The following H2BW2 variants were observed in gnomAD, a reference collection of about 807,000 sequenced individuals.
The protein encoded by H2BW2 is H2B.W histone 2.
In H2BW2, 8 loss-of-function variants were observed where a neutral mutation model predicts 9.2. The ratio of observed to expected loss-of-function variants is 0.87; its 90% CI spans 0.51 to 1.57. The LOEUF is 1.57. Among genes scored for constraint, H2BW2 ranks in the 40% most tolerant of loss-of-function variants. The pLI is 0.00. For missense variants in H2BW2, 193 were observed against 137.3 expected (o/e 1.41, Z -2.03); for synonymous variants, 80 against 56.8 (o/e 1.41, Z -1.84).
At position 104,040,282 on chromosome X, in the gene H2BW2, G is replaced by A. The variant is rs782319988; in HGVS notation, c.288G>A (p.Gln96=). 8.4e-7 allele frequency: 1 copy of A among 1,197,230 alleles called. No homozygotes were observed. The highest frequency in any genetic ancestry group is 1.8e-5 in the South Asian group (1 of 54,729). Residue 96 remains glutamine, a synonymous_variant, in exon 1 of 4, where the codon CAG becomes CAA. Transcript: ENST00000675318. The part of the protein sequence containing the change: ...ILDRIATEAG[Q]LAHYTKRVTI... ...ACCGCATCGCCACCGAGGCTGGTCA[G>A]CTGGCCCATTACACCAAGCGCGTGA...
chrX:104,041,636 A>T (rs1176401662), intron 3 of H2BW2: 1 of 111,563 alleles, frequency 9.0e-6, no homozygotes, highest in Non-Finnish European at 1.9e-5. Flanking sequence ...TCGCCCGAGT[A>T]TGTGGACAAG....
Position 104,040,236 on chromosome X carries a change from C to A in H2BW2, c.242C>A (p.Ser81Tyr). Residue 81 changes from serine to tyrosine, a missense_variant, in exon 1 of 4, where the codon TCT becomes TAT. By Grantham distance (144) the Ser-to-Tyr change is moderately radical (BLOSUM62 -2). Coordinates refer to ENST00000675318, the MANE Select transcript of H2BW2 (RefSeq NM_001388464.1). ...CAGGAGGCCGTGAGTGTCATGGATT[C>A]TATGATCCATGACATATTGGACCGC... is the stretch of plus-strand genomic sequence containing the variant. ...LSQEAVSVMD[S>Y]MIHDILDRIA... is the part of the protein sequence containing the mutation. The A allele has an allele frequency of 8.4e-7, 1 of 1,194,093 alleles. No individual in the cohort carries two copies. The highest frequency in any genetic ancestry group is 3.1e-5 in the East Asian group (1 of 32,662).
At position 104,040,092 on chromosome X, in the gene H2BW2, G is replaced by A. The variant is rs782683840; in HGVS notation, c.98G>A (p.Arg33Gln). Residue 33 changes from arginine to glutamine, a missense_variant, in exon 1 of 4, where the codon CGA (arginine) becomes CAA (glutamine). Coordinates refer to ENST00000675318, the MANE Select transcript of H2BW2 (RefSeq NM_001388464.1). ...ACGAAGGCCCAGAAGCAGAAGAGGC[G>A]AGGGTGCCGAGGCTCCCGCAGGCGC... ...NSTKAQKQKR[R>Q]GCRGSRRRHA... 5 of 1,164,167 alleles carry A rather than the reference G, an allele frequency of 4.3e-6. No individual in the cohort carries two copies. The Admixed American group carries it at 7.7e-5, about 18-fold the overall frequency.
chrX:104,040,480 C>T (rs1236412867), intron 1 of H2BW2, 76 bp downstream of exon 1: 57 of 962,572 alleles, frequency 5.9e-5, no homozygotes, highest in Non-Finnish European at 7.6e-5. Context: ...TCAGAACCAC[C>T]GCCCGTGGCC....
In H2BW2 at chrX:104,040,127, C is replaced by T. The variant is rs543811117; in HGVS notation, c.133C>T (p.Arg45Cys). Residue 45 changes from arginine to cysteine, a missense_variant, in exon 1 of 4, where the codon CGC (arginine) becomes TGC (cysteine). Arg to Cys is a radical substitution (Grantham distance 180). Coordinates refer to ENST00000675318, the MANE Select transcript of H2BW2 (RefSeq NM_001388464.1). The part of the protein sequence containing the change: ...CRGSRRRHAN[R>C]RGDSFGDSFT... ...AGGCTCCCGCAGGCGCCACGCCAAC[C>T]GCCGTGGGGACAGCTTCGGGGACAG... 2.4e-5 allele frequency: 28 copies of T among 1,173,643 alleles called. No homozygotes were observed. The highest frequency in any genetic ancestry group is 1.3e-4 in the African/African-American group (7 of 55,861).
rs782787962 is a variant in H2BW2, at chrX:104,040,069, G to A, written c.75G>A (p.Thr25=). The change falls in exon 1 of 4, where the codon ACG becomes ACA. Residue 25 remains threonine, a synonymous_variant. Coordinates refer to ENST00000675318, the MANE Select transcript of H2BW2 (RefSeq NM_001388464.1). ...SIQEPKEANS[T]KAQKQKRRGC... ...AGGAGCCCAAAGAGGCCAACTCCAC[G>A]AAGGCCCAGAAGCAGAAGAGGCGAG... 1.5e-4 allele frequency: 180 copies of A among 1,163,559 alleles called. 2 individuals are homozygous for A. In the African/African-American group the frequency reaches 2.5e-3, roughly 16 times the overall value.
At chrX:104,040,911 A>T (rs1444161107) in intron 2 of H2BW2, 25 bp downstream of exon 2, 4 of 1,180,838 alleles carry the variant, frequency 3.4e-6, no homozygotes, top group Non-Finnish European at 4.6e-6. Flanking sequence ...TGTGTTCAGC[A>T]TCTCTCTCAT....
Position 104,040,256 on chromosome X carries a change from GA to G in H2BW2, c.263del (p.Asp88AlafsTer17). 1 of 1,194,545 alleles carries G rather than the reference GA, an allele frequency of 8.4e-7. No homozygotes were observed. The highest frequency in any genetic ancestry group is 1.1e-6 in the Non-Finnish European group (1 of 886,863). ...VMDSMIHDIL[D>X]RIATEAGQLA... Reference sequence around the variant, plus strand: ...GGATTCTATGATCCATGACATATTGGACCGCATCGCCACCGAGGCTGGTCAG... The same window carrying G: ...GGATTCTATGATCCATGACATATTGGCCGCATCGCCACCGAGGCTGGTCAG... On this transcript the variant is annotated frameshift_variant, in exon 1 of 4. Coordinates refer to ENST00000675318, the MANE Select transcript of H2BW2 (RefSeq NM_001388464.1). LOFTEE classifies it high-confidence loss of function.
At position 104,040,163 on chromosome X, in the gene H2BW2, T is replaced by G. The variant is rs1252784420; in HGVS notation, c.169T>G (p.Tyr57Asp). Residue 57 changes from tyrosine to aspartate, a missense_variant, in exon 1 of 4, where the codon TAT becomes GAT. Tyr to Asp is a radical substitution (Grantham distance 160). Transcript: ENST00000675318. ...GDSFGDSFTP[Y>D]FPRVLKQVHQ... Reference sequence around the variant, plus strand: ...CAGCTTCGGGGACAGCTTCACCCCCTATTTCCCCCGGGTGCTGAAGCAGGT... The same window carrying G: ...CAGCTTCGGGGACAGCTTCACCCCCGATTTCCCCCGGGTGCTGAAGCAGGT... 8.4e-7 allele frequency: 1 copy of G among 1,185,553 alleles called. No individual in the cohort carries two copies. Among genetic ancestry groups the G allele is most frequent in the Admixed American group, 2.4e-5 (1 of 42,545 alleles).
chrX:104,040,549 C>T (rs2075200052), intron 1 of H2BW2, 145 bp downstream of exon 1: 5 of 573,532 alleles, frequency 8.7e-6, no homozygotes, highest in Non-Finnish European at 1.3e-5. Context: ...TGGGTGGCAC[C>T]GTTCCAGCTT....
At chrX:104,040,783 T>C (rs1247718818) in intron 1 of H2BW2, 45 bp from the exon 2 acceptor site, 3 of 616,355 alleles carry the variant, frequency 4.9e-6, no homozygotes, top group Non-Finnish European at 8.4e-6. Flanking sequence ...GATGTTTACC[T>C]TTTTCACTCT....
intron 2 of H2BW2, 23 bp downstream of exon 2, chrX:104,040,909 G>C (rs1188509537): frequency 3.4e-6 from 4 of 1,186,882 alleles, no homozygotes; most frequent in Non-Finnish European, 4.6e-6. Context: ...AATGTGTTCA[G>C]CATCTCTCTC....
At position 104,042,288 on chromosome X, in the gene H2BW2, G is replaced by A. The variant is rs1201511705; in HGVS notation, c.*218G>A. On this transcript the variant is annotated 3_prime_UTR_variant, in exon 4 of 4. Transcript: ENST00000675318. Reference sequence around the variant, plus strand: ...CCGGAACAACCCTTGCCAAACCAAAGACCCTTGCCAGAACCCTGCTTCTTC... The same window carrying A: ...CCGGAACAACCCTTGCCAAACCAAAAACCCTTGCCAGAACCCTGCTTCTTC... The A allele has an allele frequency of 8.9e-6, 1 of 112,211 alleles. No individual in the cohort carries two copies. The highest frequency in any genetic ancestry group is 1.9e-5 in the Non-Finnish European group (1 of 53,273). The allele number at this position is 112,211 out of a possible 1,213,427, so 9.2% of individuals were successfully genotyped here. A position where few individuals can be genotyped will look rare whatever the true frequency, so the allele number is the denominator to read the frequency against.
chrX:104,040,269 C>A lies in H2BW2; in HGVS notation c.275C>A (p.Thr92Asn), dbSNP rs61750933. Residue 92 changes from threonine (T) to asparagine (N), a missense_variant, in exon 1 of 4, where the codon ACC becomes AAC. Thr to Asn is a moderately conservative substitution (Grantham distance 65). Coordinates refer to ENST00000675318, the MANE Select transcript of H2BW2 (RefSeq NM_001388464.1). ...CATGACATATTGGACCGCATCGCCA[C>A]CGAGGCTGGTCAGCTGGCCCATTAC... ...MIHDILDRIA[T>N]EAGQLAHYTK... The A allele has an allele frequency of 1.4e-4, 166 of 1,194,335 alleles. No homozygotes were observed. The Middle Eastern group carries it at 1.6e-3, about 12-fold the overall frequency.
At chrX:104,041,599 T>C (rs1226621164) in intron 3 of H2BW2, 4 of 112,013 alleles carry the variant, frequency 3.6e-5, no homozygotes, top group African/African-American at 6.5e-5. Context: ...CACTTTCCCA[T>C]TGCTTTCCTT....
At chrX:104,041,311 G>A (rs1206269360) in intron 3 of H2BW2, 1 of 134,691 alleles carries the variant, frequency 7.4e-6, no homozygotes, top group Non-Finnish European at 1.4e-5. Context: ...TTTACCTGAT[G>A]TTTTTGTTTG....
At chrX:104,040,479 C>T (rs2075199685) in intron 1 of H2BW2, 75 bp downstream of exon 1, 2 of 964,714 alleles carry the variant, frequency 2.1e-6, no homozygotes, top group African/African-American at 2.0e-5. Flanking sequence ...TTCAGAACCA[C>T]CGCCCGTGGC....
At position 104,040,946 on chromosome X, in the gene H2BW2, C is replaced by T. The variant is rs781805757; in HGVS notation, c.*22+60C>T. 16 of 1,132,066 alleles carry T rather than the reference C, an allele frequency of 1.4e-5. No homozygotes were observed. The East Asian group carries it at 4.3e-4, about 30-fold the overall frequency. 93.3% of individuals were successfully genotyped at this position (1,132,066 alleles called of 1,213,427 possible). A position where few individuals can be genotyped will look rare whatever the true frequency, so the allele number is the denominator to read the frequency against. On this transcript the variant is annotated intron_variant, in intron 2 of 3. Transcript: ENST00000675318. ...TCATGAATCCATGTAAATAAGCAAACGAGGCCCAGTTACAGTATATATATG... is the reference window on the plus strand; with the variant it reads ...TCATGAATCCATGTAAATAAGCAAATGAGGCCCAGTTACAGTATATATATG...
In H2BW2 at chrX:104,040,906, T is replaced by A; in HGVS notation, c.*22+20T>A. 8.4e-7 allele frequency: 1 copy of A among 1,188,006 alleles called. No individual in the cohort carries two copies. On this transcript the variant is annotated intron_variant, in intron 2 of 3. Transcript: ENST00000675318. ...AGCAAGGTAACCCTCCTAAATGTGT[T>A]CAGCATCTCTCTCATCATGAATCCA...
Sources: allele counts gnomAD v4.1 joint callset, GRCh38; gene constraint gnomAD v4.1.1; transcripts MANE v1.5; gene names NCBI Gene and HGNC (gene_info 2026-07-23, HGNC 2026-07-21).